SPOCK3: variants seen among roughly 807,000 people sequenced by gnomAD.
The protein encoded by SPOCK3 is SPARC (osteonectin), cwcv and kazal like domains proteoglycan 3.
A neutral mutation model predicts 56.6 loss-of-function variants in SPOCK3; 30 were observed. That is an observed-to-expected ratio of 0.53 (90% CI 0.40 to 0.72). The LOEUF (loss-of-function observed/expected upper bound fraction) is 0.72, where lower values mean the gene tolerates loss of function less well. Among genes scored for constraint, SPOCK3 ranks in the 30% least tolerant of loss-of-function variants. The pLI, the probability that SPOCK3 is intolerant of heterozygous loss-of-function variation, is 0.00. For synonymous variants in SPOCK3, 196 were observed against 183.3 expected (o/e 1.07, Z -0.56); for missense variants, 527 against 530.0 (o/e 0.99, Z 0.06).
At chr4:166,841,530 T>C (rs981232180) in intron 6 of SPOCK3, among the ~76,000 whole-genome samples, 21 of 152,190 alleles carry the variant, frequency 1.4e-4, no homozygotes, top group Non-Finnish European at 2.5e-4. Flanking sequence ...TTAAACCTAT[T>C]TAGTTTTCTT....
At chr4:167,055,694 T>G (rs913712193) in intron 3 of SPOCK3, among the ~76,000 whole-genome samples, 3 of 152,196 alleles carry the variant, frequency 2.0e-5, no homozygotes, top group African/African-American at 7.2e-5. Flanking sequence ...GGAGTCTCAC[T>G]GATTGCTAGC....
intron 3 of SPOCK3, among the ~76,000 whole-genome samples, chr4:167,027,153 G>T (rs1313844132): frequency 2.0e-5 from 3 of 151,936 alleles, no homozygotes; most frequent in Admixed American, 6.6e-5. Flanking sequence ...AGACAGAAAA[G>T]ATCAGGTTTT....
chr4:166,951,594 C>A, intron 4 of SPOCK3, among the ~76,000 whole-genome samples: 1 of 134,206 alleles, frequency 7.5e-6, no homozygotes, highest in African/African-American at 3.2e-5. Context: ...AGGCCAGCAT[C>A]ATCCTGATAC....
At chr4:167,063,701 C>T (rs1296133466) in intron 2 of SPOCK3, among the ~76,000 whole-genome samples, 3 of 151,736 alleles carry the variant, frequency 2.0e-5, no homozygotes, top group Non-Finnish European at 4.4e-5. Flanking sequence ...CCAAGTATCT[C>T]GTGTATTATT....
chr4:166,830,995 CCTGTT>C (rs938011419), intron 6 of SPOCK3, among the ~76,000 whole-genome samples: 2 of 151,500 alleles, frequency 1.3e-5, no homozygotes, highest in African/African-American at 4.9e-5. Flanking sequence ...AATTATTTTG[CCTGTT>C]CTGTTTTGCT....
At chr4:166,988,115 C>A (rs180890685) in intron 4 of SPOCK3, among the ~76,000 whole-genome samples, 1 of 152,020 alleles carries the variant, frequency 6.6e-6, no homozygotes, top group Admixed American at 6.6e-5. Flanking sequence ...GGAATACAAA[C>A]ATAAGAAATG....
intron 4 of SPOCK3, among the ~76,000 whole-genome samples, chr4:166,992,119 C>T (rs1165834426): frequency 6.6e-6 from 1 of 151,912 alleles, no homozygotes; most frequent in Non-Finnish European, 1.5e-5. Flanking sequence ...AAACAAGGCA[C>T]AAAAATATAT....
chr4:166,938,038 C>A (rs148254086), intron 4 of SPOCK3, among the ~76,000 whole-genome samples: 212 of 151,490 alleles, frequency 1.4e-3, no homozygotes, highest in African/African-American at 4.7e-3. Flanking sequence ...CCTATCTGCC[C>A]GCCTCAGCCT....
rs1391231526 is a variant in SPOCK3, at chr4:166,735,002, A to G, written c.1221T>C (p.Asn407=). The change falls in exon 11 of 11, where the codon AAT becomes AAC. Residue 407 remains asparagine (N), a synonymous_variant. Transcript: ENST00000357545. ...CATCATCTTCAATTTCATCTTCATC[A>G]TTCATAATATCGTCTTCATCATCCT... ...DDEDDEDDIM[N]DEDEIEDDDE... 6.4e-7 allele frequency: 1 copy of G among 1,552,198 alleles called. No individual in the cohort carries two copies. Among genetic ancestry groups the G allele is most frequent in the Non-Finnish European group, 8.9e-7 (1 of 1,124,284 alleles).
At chr4:166,874,699 T>C (rs1732895670) in intron 6 of SPOCK3, among the ~76,000 whole-genome samples, 1 of 152,172 alleles carries the variant, frequency 6.6e-6, no homozygotes, top group Non-Finnish European at 1.5e-5. Context: ...GGGTTTTAAA[T>C]AGAAGACTTT....
chr4:167,203,166 C>T (rs999360647), intron 2 of SPOCK3, among the ~76,000 whole-genome samples: 4 of 151,788 alleles, frequency 2.6e-5, no homozygotes, highest in Admixed American at 2.6e-4. Flanking sequence ...ATATTACTTA[C>T]TGATTTTTTT....
intron 4 of SPOCK3, among the ~76,000 whole-genome samples, chr4:166,922,180 C>A (rs780082618): frequency 1.4e-4 from 21 of 152,154 alleles, no homozygotes; most frequent in Non-Finnish European, 2.5e-4. Context: ...CTCCCACTCC[C>A]CTGTAAACCA....
At chr4:166,789,417 G>A (rs1241197368) in intron 7 of SPOCK3, among the ~76,000 whole-genome samples, 3 of 151,868 alleles carry the variant, frequency 2.0e-5, no homozygotes, top group African/African-American at 7.3e-5. Flanking sequence ...CAACAAGAGC[G>A]AAACGCTGTC....
chr4:166,786,510 A>C (rs892849997), intron 7 of SPOCK3, among the ~76,000 whole-genome samples: 1 of 152,168 alleles, frequency 6.6e-6, no homozygotes, highest in African/African-American at 2.4e-5. Flanking sequence ...ATTAGGAAAA[A>C]GAGAAAAAAA....
At chr4:166,825,972 A>C (rs911147868) in intron 6 of SPOCK3, among the ~76,000 whole-genome samples, 1 of 151,970 alleles carries the variant, frequency 6.6e-6, no homozygotes, top group African/African-American at 2.4e-5. Flanking sequence ...GGTGCACCAA[A>C]ATCTCAGAAA....
chr4:167,231,288 G>A (rs1427286888), intron 2 of SPOCK3, among the ~76,000 whole-genome samples: 1 of 151,930 alleles, frequency 6.6e-6, no homozygotes, highest in Non-Finnish European at 1.5e-5. Context: ...GTTAAACAGT[G>A]CTGATTATGT....
intron 4 of SPOCK3, among the ~76,000 whole-genome samples, chr4:166,952,046 C>T (rs181782483): frequency 2.0e-4 from 31 of 152,306 alleles, no homozygotes; most frequent in Admixed American, 1.3e-3. Flanking sequence ...CTTCTCTCAC[C>T]ACTCCTATTC....
intron 2 of SPOCK3, among the ~76,000 whole-genome samples, chr4:167,115,945 C>T (rs1196864101): frequency 6.6e-6 from 1 of 151,920 alleles, no homozygotes; most frequent in East Asian, 1.9e-4. Flanking sequence ...GCAGTGGGCT[C>T]ACATCAGAAA....
chr4:167,115,866 T>C (rs996319913), intron 2 of SPOCK3, among the ~76,000 whole-genome samples: 2 of 152,056 alleles, frequency 1.3e-5, no homozygotes, highest in Non-Finnish European at 2.9e-5. Flanking sequence ...CAGAAGTCTG[T>C]ATCCATACAC....
Sources: allele counts gnomAD v4.1 joint callset (sites outside exome capture counted in the v4.1 genomes callset), GRCh38; gene constraint gnomAD v4.1.1; transcripts MANE v1.5; gene names NCBI Gene and HGNC (gene_info 2026-07-23, HGNC 2026-07-21).